Variants in ABCB8 observed in about 807,000 individuals in gnomAD.
The protein encoded by ABCB8 is ATP binding cassette subfamily B member 8.
ABCB8 carries 52 observed loss-of-function variants against 73.0 expected under a neutral mutation model. The ratio of observed to expected loss-of-function variants is 0.71; its 90% CI spans 0.57 to 0.90. The LOEUF is 0.90. Ranked by LOEUF, ABCB8 falls within the 40% of genes least tolerant of loss-of-function variation. The pLI is 0.00. For synonymous variants in ABCB8, 428 were observed against 423.5 expected, an observed-to-expected ratio of 1.01 and a Z score of -0.13; for missense variants, 909 against 974.6, an observed-to-expected ratio of 0.93 and a Z score of 0.90.
At chr7:151,032,032 G>A (rs1403480196) in intron 1 of ABCB8, among the ~76,000 whole-genome samples, 1 of 152,090 alleles carries the variant, frequency 6.6e-6, no homozygotes, top group Admixed American at 6.5e-5. Context: ...TGCCCCTCCC[G>A]CAAGTCTCAT....
chr7:151,030,276 G>A lies in ABCB8; in HGVS notation c.95+1666G>A, dbSNP rs543102525. 1.2e-3 allele frequency among the ~76,000 whole-genome samples: 177 copies of A among 152,316 alleles called. No individual in the cohort carries two copies. The Middle Eastern group carries it at 0.02, about 18-fold the overall frequency. On this transcript the variant is annotated intron_variant, in intron 1 of 15. Coordinates refer to ENST00000358849, the MANE Select transcript of ABCB8 (RefSeq NM_007188.5). ...CACGCCTGTAATCCCAGCACTTTGG[G>A]AGGCCAAGGCAGGCGATCACCTGAG...
rs373141641 is a variant in ABCB8 at position 151,028,495 on chromosome 7, C to G, written c.-21C>G. On this transcript the variant is annotated 5_prime_UTR_variant, in exon 1 of 16. Transcript: ENST00000358849. ...AGGGTGAAACTGCTATTGCCGGCGG[C>G]TCCTGTTTTACCGCGTCAGCATGCT... is the stretch of plus-strand genomic sequence containing the variant. 3 of 1,607,238 alleles carry G rather than the reference C, an allele frequency of 1.9e-6. No individual in the cohort carries two copies. The African/African-American group carries it at 4.0e-5, about 21-fold the overall frequency.
intron 14 of ABCB8, 22 bp downstream of exon 14, chr7:151,042,130 G>A (rs200272645): frequency 6.2e-6 from 10 of 1,609,640 alleles, no homozygotes; most frequent in Non-Finnish European, 8.5e-6. Context: ...GGTCTGCCGG[G>A]AACCAGGTGG....
In ABCB8 at chr7:151,034,381, G is replaced by C; in HGVS notation, c.517G>C (p.Glu173Gln). 1 of 1,613,996 alleles carries C rather than the reference G, an allele frequency of 6.2e-7. No homozygotes were observed. The highest frequency in any genetic ancestry group is 8.5e-7 in the Non-Finnish European group (1 of 1,180,010). The change falls in exon 3 of 16, where the codon GAG becomes CAG. Residue 173 changes from glutamate (E) to glutamine (Q), a missense_variant. By Grantham distance (29) the Glu-to-Gln change is conservative. Transcript: ENST00000358849. The stretch of plus-strand genomic sequence containing the variant: ...GGACCACGTAGGGAGTTTCATGACT[G>C]AGTCCCAGAATCTCAGCACCCACCT... ...TRDHVGSFMT[E>Q]SQNLSTHLLI...
intron 8 of ABCB8, 133 bp from the exon 9 acceptor site, chr7:151,036,411 C>T: frequency 1.1e-6 from 1 of 939,882 alleles, no homozygotes; most frequent in Non-Finnish European, 1.7e-6. Context: ...CCAACTTGCT[C>T]TTCCGAGGAG....
Position 151,043,993 on chromosome 7 carries a change from T to A in ABCB8, c.1788T>A (p.Ser596=). Residue 596 remains serine (S), a synonymous_variant, in exon 15 of 16, where the codon TCT becomes TCA. Transcript: ENST00000358849. ...CAGGTGAACGGGGCACTACCCTGTC[T>A]GGGGGCCAGAAGCAGCGCCTGGCCA... ...TVVGERGTTL[S]GGQKQRLAIA... 1 of 1,612,600 alleles carries A rather than the reference T, an allele frequency of 6.2e-7. No homozygotes were observed. Among genetic ancestry groups the A allele is most frequent in the Non-Finnish European group, 8.5e-7 (1 of 1,179,690 alleles).
In ABCB8 at chr7:151,036,593, G is replaced by A. The variant is rs565104858; in HGVS notation, c.1161G>A (p.Gln387=). 7 of 1,613,860 alleles carry A rather than the reference G, an allele frequency of 4.3e-6. No homozygotes were observed. In the South Asian group the frequency reaches 6.6e-5, roughly 15 times the overall value. The change falls in exon 9 of 16, where the codon CAG becomes CAA. Residue 387 remains glutamine (Q), a synonymous_variant. Transcript: ENST00000358849. ...TTGGGGGCTCCCTTGTGGCCGGACA[G>A]CAGCTGACAGGGGGAGACCTCATGT... is the stretch of plus-strand genomic sequence containing the variant. ...LFIGGSLVAG[Q]QLTGGDLMSF... is the part of the protein sequence containing the mutation.
chr7:151,045,077 A>C (rs535199291), intron 15 of ABCB8, 132 bp from the exon 16 acceptor site: 3 of 1,159,224 alleles, frequency 2.6e-6, no homozygotes, highest in Admixed American at 5.9e-5. Context: ...CATTGGTTTC[A>C]GAGTGTCCCC....
At chr7:151,037,202 T>G (rs1299266992) in intron 9 of ABCB8, 1 of 702,936 alleles carries the variant, frequency 1.4e-6, no homozygotes, top group Non-Finnish European at 2.6e-6. Flanking sequence ...ACTATGTCCT[T>G]TTGTGACTGC....
intron 11 of ABCB8, 55 bp from the exon 12 acceptor site, chr7:151,040,773 C>T (rs753270255): frequency 4.9e-5 from 78 of 1,593,040 alleles, no homozygotes; most frequent in South Asian, 6.7e-5. Flanking sequence ...AGGAGGGACC[C>T]GGGCAACAAG....
chr7:151,041,321 T>C, intron 13 of ABCB8, 89 bp downstream of exon 13: 1 of 1,444,090 alleles, frequency 6.9e-7, no homozygotes, highest in Non-Finnish European at 9.1e-7. Context: ...TTTTCTTTCT[T>C]TCCCACCCTC....
At chr7:151,042,254 C>A in intron 14 of ABCB8, 146 bp downstream of exon 14, 1 of 1,238,318 alleles carries the variant, frequency 8.1e-7, no homozygotes, top group Non-Finnish European at 1.1e-6. Flanking sequence ...AGAACCACAG[C>A]CAAAGGGGAC....
intron 13 of ABCB8, 108 bp downstream of exon 13, chr7:151,041,340 T>G: frequency 7.2e-7 from 1 of 1,384,938 alleles, no homozygotes; most frequent in Non-Finnish European, 9.5e-7. Flanking sequence ...TCATCCTTGC[T>G]GCTCTCGGGA....
rs938992925 is a variant in ABCB8 at position 151,045,226 on chromosome 7, G to A, written c.2034G>A (p.Glu678=). The stretch of plus-strand genomic sequence containing the variant: ...TCTTCCAGGCTGGGACACATGAAGA[G>A]CTCCTGAAGAAAGGCGGGCTATACG... ...GRVWEAGTHE[E]LLKKGGLYAE... Residue 678 remains glutamate (E), a synonymous_variant, in exon 16 of 16, where the codon GAG becomes GAA. Transcript: ENST00000358849. The A allele has an allele frequency of 5.0e-6, 8 of 1,589,394 alleles. No homozygotes were observed. The highest frequency in any genetic ancestry group is 6.0e-6 in the Non-Finnish European group (7 of 1,166,348).
At position 151,043,973 on chromosome 7, in the gene ABCB8, G is replaced by C. The variant is rs758081711; in HGVS notation, c.1768G>C (p.Glu590Gln). The change falls in exon 15 of 16, where the codon GAA becomes CAA. Residue 590 changes from glutamate (E) to glutamine (Q), a missense_variant and splice_region_variant. Coordinates refer to ENST00000358849, the MANE Select transcript of ABCB8 (RefSeq NM_007188.5). ...FPEGYNTVVGERGTTLSGGQK... is the reference protein window; with the variant it reads ...FPEGYNTVVGQRGTTLSGGQK... ...CTGCCCTGCCCCTCCCTTCCCAGGT[G>C]AACGGGGCACTACCCTGTCTGGGGG... is the stretch of plus-strand genomic sequence containing the variant. 7 of 1,609,112 alleles carry C rather than the reference G, an allele frequency of 4.4e-6. No homozygotes were observed. The highest frequency in any genetic ancestry group is 4.0e-5 in the African/African-American group (3 of 74,800).
At chr7:151,035,426 G>C (rs1302941780) in intron 5 of ABCB8, among the ~76,000 whole-genome samples, 155 bp from the exon 6 acceptor site, 3 of 152,186 alleles carry the variant, frequency 2.0e-5, no homozygotes, top group African/African-American at 7.2e-5. Context: ...TTAGGGTTAC[G>C]TACTGTGACC....
At chr7:151,035,810 C>T in intron 6 of ABCB8, 68 bp downstream of exon 6, 2 of 1,610,054 alleles carry the variant, frequency 1.2e-6, no homozygotes, top group Non-Finnish European at 1.7e-6. Context: ...CCCGGAACTC[C>T]TCCCTGTCCC....
Position 151,045,713 on chromosome 7 carries a change from G to A in ABCB8, c.*364G>A, listed in dbSNP as rs767013088. The A allele has an allele frequency of 2.5e-4, 53 of 208,848 alleles. No individual in the cohort carries two copies. Among genetic ancestry groups the A allele is most frequent in the Non-Finnish European group, 4.2e-4 (44 of 105,960 alleles). 12.9% of individuals were successfully genotyped at this position (208,848 alleles called of 1,614,324 possible). ...CTGCCCCACCCAGCAGCTTCAAATT[G>A]GCCAGGCCTACAGTAGCTCCAGGGA... On this transcript the variant is annotated 3_prime_UTR_variant, in exon 16 of 16. Coordinates refer to ENST00000358849, the MANE Select transcript of ABCB8 (RefSeq NM_007188.5).
At chr7:151,031,304 ATCTT>A (rs779509263) in intron 1 of ABCB8, 100 of 1,544,864 alleles carry the variant, frequency 6.5e-5, no homozygotes, top group Non-Finnish European at 8.5e-5. Context: ...AAGCGTCTCT[ATCTT>A]TCTAATAGAA....
Sources: gnomAD v4.1 joint callset for allele counts (sites outside exome capture counted in the v4.1 genomes callset) on GRCh38, gnomAD v4.1.1 for gene constraint, MANE v1.5 for transcripts, NCBI Gene and HGNC (gene_info 2026-07-23, HGNC 2026-07-21) for gene names.